The following SLC35F4 variants were observed in gnomAD, a reference collection of about 807,000 sequenced individuals.
The protein encoded by SLC35F4 is solute carrier family 35 member F4.
SLC35F4 carries 24 observed loss-of-function variants against 44.2 expected under a neutral mutation model. The ratio of observed to expected loss-of-function variants is 0.54; its 90% confidence interval spans 0.39 to 0.76. SLC35F4 has a LOEUF of 0.76. Ranked by LOEUF, SLC35F4 falls within the 30% of genes least tolerant of loss-of-function variation. The probability of loss-of-function intolerance (pLI) is 0.00; values close to 1 mark genes in which losing one functional copy is unlikely to be tolerated. For missense variants in SLC35F4, 562 were observed against 586.1 expected (o/e 0.96, Z 0.42); for synonymous variants, 238 against 223.6 (o/e 1.06, Z -0.57).
chr14:57,935,953 G>A (rs1490616931), intron 1 of SLC35F4, among the ~76,000 whole-genome samples: 1 of 152,140 alleles, frequency 6.6e-6, no homozygotes, highest in African/African-American at 2.4e-5. Context: ...TTTGTACTTG[G>A]AATAGACATT....
chr14:57,888,992 G>T (rs1170168203), intron 1 of SLC35F4, among the ~76,000 whole-genome samples: 1 of 152,064 alleles, frequency 6.6e-6, no homozygotes, highest in Non-Finnish European at 1.5e-5. Context: ...CTAGTCACTG[G>T]GGTGACAATG....
At chr14:57,782,158 G>A (rs185434103) in intron 1 of SLC35F4, among the ~76,000 whole-genome samples, 3 of 152,240 alleles carry the variant, frequency 2.0e-5, no homozygotes, top group East Asian at 3.9e-4. Context: ...CACTAACAGA[G>A]TAATCTGTAA....
At chr14:57,922,536 C>A (rs927865042) in intron 1 of SLC35F4, among the ~76,000 whole-genome samples, 2 of 152,216 alleles carry the variant, frequency 1.3e-5, no homozygotes, top group African/African-American at 4.8e-5. Context: ...ACAGTCTACA[C>A]AAGACCCTTT....
chr14:57,871,355 T>C (rs1472766433), intron 1 of SLC35F4, among the ~76,000 whole-genome samples: 1 of 152,190 alleles, frequency 6.6e-6, no homozygotes, highest in African/African-American at 2.4e-5. Context: ...TGAGATTGCA[T>C]TTCCCACTAT....
chr14:57,782,311 C>T (rs1347752125), intron 1 of SLC35F4, among the ~76,000 whole-genome samples: 1 of 150,278 alleles, frequency 6.7e-6, no homozygotes, highest in African/African-American at 2.5e-5. Context: ...TTTCAATATA[C>T]TGGGAAATTT....
chr14:57,663,581 G>A (rs867190705), intron 1 of SLC35F4, among the ~76,000 whole-genome samples: 26 of 152,258 alleles, frequency 1.7e-4, no homozygotes, highest in Middle Eastern at 6.8e-3. Context: ...GCATGAAGTT[G>A]CACACATCTG....
chr14:57,940,404 G>GT (rs767501515), intron 1 of SLC35F4, among the ~76,000 whole-genome samples: 46 of 150,902 alleles, frequency 3.0e-4, no homozygotes, highest in African/African-American at 9.2e-4. Flanking sequence ...CCCTAAAATT[G>GT]TTTTTTTTTA....
chr14:57,676,605 A>G (rs1454610342), intron 1 of SLC35F4, among the ~76,000 whole-genome samples: 1 of 152,118 alleles, frequency 6.6e-6, no homozygotes, highest in Non-Finnish European at 1.5e-5. Flanking sequence ...TAGGCAAAGG[A>G]TATGAATAGA....
chr14:57,787,756 A>T (rs561767193), intron 1 of SLC35F4, among the ~76,000 whole-genome samples: 39 of 152,334 alleles, frequency 2.6e-4, no homozygotes, highest in African/African-American at 8.9e-4. Context: ...TGCAAAAAGG[A>T]GCTCTAAATC....
intron 1 of SLC35F4, among the ~76,000 whole-genome samples, chr14:57,851,867 G>A (rs998928181): frequency 2.0e-5 from 3 of 152,110 alleles, no homozygotes; most frequent in Admixed American, 6.5e-5. Context: ...CTGAGTGAGG[G>A]GTTACGGGAA....
At chr14:57,878,073 T>C (rs999804693) in intron 1 of SLC35F4, among the ~76,000 whole-genome samples, 1 of 152,124 alleles carries the variant, frequency 6.6e-6, no homozygotes, top group Non-Finnish European at 1.5e-5. Context: ...TGATTAGTGA[T>C]ATTGAGCATT....
chr14:57,662,009 A>T (rs2074154211), intron 1 of SLC35F4, among the ~76,000 whole-genome samples: 1 of 152,200 alleles, frequency 6.6e-6, no homozygotes, highest in Non-Finnish European at 1.5e-5. Context: ...AAATGTGTCC[A>T]TGATTTAAAA....
intron 1 of SLC35F4, among the ~76,000 whole-genome samples, chr14:57,675,985 C>G (rs1333361975): frequency 6.6e-6 from 1 of 151,982 alleles, no homozygotes; most frequent in African/African-American, 2.4e-5. Flanking sequence ...CCCAATTAAA[C>G]TAAAACGCTC....
intron 1 of SLC35F4, among the ~76,000 whole-genome samples, chr14:57,932,954 C>T (rs977906184): frequency 1.3e-5 from 2 of 152,172 alleles, no homozygotes; most frequent in East Asian, 3.9e-4. Context: ...TTGAAAACTC[C>T]ACTACCATGG....
intron 1 of SLC35F4, among the ~76,000 whole-genome samples, chr14:57,850,517 T>C (rs1027739545): frequency 1.3e-5 from 2 of 152,220 alleles, no homozygotes; most frequent in African/African-American, 4.8e-5. Context: ...GGGAAGACAT[T>C]TGTATCACTT....
At chr14:57,929,873 GC>G (rs1469368943) in intron 1 of SLC35F4, among the ~76,000 whole-genome samples, 1 of 152,172 alleles carries the variant, frequency 6.6e-6, no homozygotes, top group East Asian at 1.9e-4. Flanking sequence ...TCTCACAGAA[GC>G]TTTGGGATGG....
chr14:57,820,933 G>A (rs182569590), intron 1 of SLC35F4, among the ~76,000 whole-genome samples: 30 of 152,294 alleles, frequency 2.0e-4, no homozygotes, highest in Admixed American at 1.8e-3. Context: ...GAGAAAGCTT[G>A]CTATCACATA....
At chr14:57,853,089 T>C (rs1886732785) in intron 1 of SLC35F4, among the ~76,000 whole-genome samples, 1 of 152,216 alleles carries the variant, frequency 6.6e-6, no homozygotes, top group African/African-American at 2.4e-5. Flanking sequence ...AGACCTGTTG[T>C]ATTGCCCTAT....
intron 1 of SLC35F4, among the ~76,000 whole-genome samples, chr14:57,929,707 G>T (rs1165847916): frequency 6.6e-6 from 1 of 152,136 alleles, no homozygotes; most frequent in Non-Finnish European, 1.5e-5. Flanking sequence ...GACAGGAAAA[G>T]ACATTGTATT....
Sources: allele counts gnomAD v4.1 joint callset (sites outside exome capture counted in the v4.1 genomes callset), GRCh38; gene constraint gnomAD v4.1.1; transcripts MANE v1.5; gene names NCBI Gene and HGNC (gene_info 2026-07-23, HGNC 2026-07-21).